The following RUNDC3B variants were observed in gnomAD, a reference collection of about 807,000 sequenced individuals.
RUNDC3B encodes RUN domain-containing protein 3B.
Under a neutral mutation model 58.4 loss-of-function variants are expected in RUNDC3B, and 33 were observed. That is an observed-to-expected ratio of 0.56 (90% CI 0.43 to 0.75). The LOEUF (loss-of-function observed/expected upper bound fraction) is 0.75. Ranked by LOEUF, RUNDC3B falls within the 30% of genes least tolerant of loss-of-function variation. The pLI, the probability that RUNDC3B is intolerant of heterozygous loss-of-function variation, is 0.00. For missense variants in RUNDC3B, 501 were observed against 535.7 expected, an observed-to-expected ratio of 0.94 and a Z score of 0.64; for synonymous variants, 193 against 195.2, an observed-to-expected ratio of 0.99 and a Z score of 0.10.
At chr7:87,726,869 C>T (rs1036832894) in intron 4 of RUNDC3B, among the ~76,000 whole-genome samples, 4 of 152,110 alleles carry the variant, frequency 2.6e-5, no homozygotes, top group Admixed American at 6.6e-5. Flanking sequence ...GGAGTTCACT[C>T]ATGATTTGGC....
intron 10 of RUNDC3B, among the ~76,000 whole-genome samples, chr7:87,819,017 C>G (rs909321259): frequency 2.6e-5 from 4 of 152,118 alleles, no homozygotes; most frequent in African/African-American, 9.7e-5. Context: ...GGAGTCTGTC[C>G]CTTGCAGACC....
chr7:87,741,867 C>T (rs1177718051), intron 6 of RUNDC3B, among the ~76,000 whole-genome samples: 1 of 152,036 alleles, frequency 6.6e-6, no homozygotes, highest in Non-Finnish European at 1.5e-5. Flanking sequence ...TTTAATAGAT[C>T]TGAAATAGTC....
intron 8 of RUNDC3B, among the ~76,000 whole-genome samples, chr7:87,806,535 C>A (rs1836443355): frequency 6.6e-6 from 1 of 152,102 alleles, no homozygotes; most frequent in South Asian, 2.1e-4. Context: ...TAGAGTAAGA[C>A]CTTTGCTTTT....
chr7:87,748,985 C>T (rs193068472), intron 6 of RUNDC3B, among the ~76,000 whole-genome samples: 18 of 152,226 alleles, frequency 1.2e-4, no homozygotes, highest in African/African-American at 3.9e-4. Context: ...TACTAGGCAC[C>T]GCTGTCTGTA....
intron 2 of RUNDC3B, among the ~76,000 whole-genome samples, chr7:87,662,490 C>G (rs1458007715): frequency 6.6e-6 from 1 of 152,114 alleles, no homozygotes; most frequent in Non-Finnish European, 1.5e-5. Context: ...GTTTTCCCAG[C>G]ACCATTTATT....
chr7:87,628,981 G>T (rs370537587), intron 1 of RUNDC3B, 36 bp downstream of exon 1: 5 of 1,303,952 alleles, frequency 3.8e-6, no homozygotes, highest in East Asian at 2.8e-5. Flanking sequence ...CCAGCCTCCC[G>T]CCGGGGCTGA....
chr7:87,652,090 C>T (rs1823634638), intron 2 of RUNDC3B, among the ~76,000 whole-genome samples: 1 of 151,860 alleles, frequency 6.6e-6, no homozygotes, highest in Admixed American at 6.6e-5. Context: ...GTGTGATGAT[C>T]GTATTTTTAA....
intron 2 of RUNDC3B, among the ~76,000 whole-genome samples, chr7:87,688,019 A>G (rs540452077): frequency 6.6e-6 from 1 of 152,244 alleles, no homozygotes; most frequent in African/African-American, 2.4e-5. Flanking sequence ...ATCCAATAAA[A>G]TCCCATATAC....
intron 6 of RUNDC3B, among the ~76,000 whole-genome samples, chr7:87,770,089 G>A (rs1834193204): frequency 1.3e-5 from 2 of 151,896 alleles, no homozygotes; most frequent in Non-Finnish European, 2.9e-5. Context: ...TTCTGAACCT[G>A]TTGTTATCTT....
chr7:87,788,702 AC>A (rs1320874741), intron 8 of RUNDC3B, among the ~76,000 whole-genome samples: 1 of 137,704 alleles, frequency 7.3e-6, no homozygotes, highest in Non-Finnish European at 1.5e-5. Context: ...CCTTTTCAAA[AC>A]TTTTTTTTTT....
chr7:87,769,648 T>A (rs970041701), intron 6 of RUNDC3B, among the ~76,000 whole-genome samples: 13 of 152,270 alleles, frequency 8.5e-5, no homozygotes, highest in Admixed American at 2.6e-4. Flanking sequence ...TCTTTTTTTT[T>A]ATTATACTTT....
intron 1 of RUNDC3B, among the ~76,000 whole-genome samples, chr7:87,649,200 G>A (rs913275391): frequency 1.3e-5 from 2 of 152,092 alleles, no homozygotes; most frequent in African/African-American, 4.8e-5. Context: ...GATTTTGATA[G>A]TGGTTATATG....
At chr7:87,788,373 T>C (rs1276697799) in intron 8 of RUNDC3B, among the ~76,000 whole-genome samples, 1 of 152,212 alleles carries the variant, frequency 6.6e-6, no homozygotes, top group Non-Finnish European at 1.5e-5. Context: ...TGAGACACTG[T>C]GTCCAAAACA....
chr7:87,807,465 A>G lies in RUNDC3B; in HGVS notation c.1049A>G (p.Asn350Ser), dbSNP rs141464774. 6.0e-5 allele frequency: 97 copies of G among 1,613,550 alleles called. No individual in the cohort carries two copies. The highest frequency in any genetic ancestry group is 1.6e-4 in the Middle Eastern group (1 of 6,084). ...CCTTCTCCAGGAGCTCTGGATGTCA[A>G]TGCTGTTGCCTTGGATACGTTGCTT... ...QWPSPGALDV[N>S]AVALDTLLYR... Residue 350 changes from asparagine to serine, a missense_variant, in exon 9 of 11, where the codon AAT (asparagine) becomes AGT (serine). Physicochemically the swap from Asn to Ser is conservative, Grantham distance 46. Coordinates refer to ENST00000394654, the MANE Select transcript of RUNDC3B (RefSeq NM_001134405.2).
intron 3 of RUNDC3B, among the ~76,000 whole-genome samples, chr7:87,709,703 A>T (rs1172753653): frequency 2.0e-5 from 3 of 152,160 alleles, no homozygotes; most frequent in African/African-American, 7.2e-5. Context: ...CTGGTAGTTG[A>T]CAATCATATA....
intron 8 of RUNDC3B, among the ~76,000 whole-genome samples, chr7:87,782,683 A>G (rs1255889068): frequency 6.6e-6 from 1 of 152,078 alleles, no homozygotes. Context: ...CATTTATTTT[A>G]AAGAATTTTT....
At position 87,776,147 on chromosome 7, in the gene RUNDC3B, A is replaced by T. The variant is rs538776187; in HGVS notation, c.799-1651A>T. Reference sequence around the variant, plus strand: ...TTACTACAATGGCAATATCAGTAGCAGTATCTAGTAAATGTGAAGATATGC... The same window carrying T: ...TTACTACAATGGCAATATCAGTAGCTGTATCTAGTAAATGTGAAGATATGC... On this transcript the variant is annotated intron_variant, in intron 7 of 10. Coordinates refer to ENST00000394654, the MANE Select transcript of RUNDC3B (RefSeq NM_001134405.2). Among the ~76,000 whole-genome samples, 4 of 152,286 alleles carry T rather than the reference A, an allele frequency of 2.6e-5. No homozygotes were observed. In the South Asian group the frequency reaches 8.3e-4, roughly 32 times the overall value.
chr7:87,793,269 TAAA>T (rs1252571977), intron 8 of RUNDC3B, among the ~76,000 whole-genome samples: 1 of 151,968 alleles, frequency 6.6e-6, no homozygotes, highest in East Asian at 1.9e-4. Flanking sequence ...ACCAAACATT[TAAA>T]GAAGAAGTAA....
intron 3 of RUNDC3B, among the ~76,000 whole-genome samples, chr7:87,707,275 G>A (rs1432744539): frequency 6.6e-6 from 1 of 152,130 alleles, no homozygotes; most frequent in Non-Finnish European, 1.5e-5. Context: ...ACCTATGGGT[G>A]ATAGAGACTT....
Sources: allele counts gnomAD v4.1 joint callset (sites outside exome capture counted in the v4.1 genomes callset), GRCh38; gene constraint gnomAD v4.1.1; transcripts MANE v1.5; gene names NCBI Gene and HGNC (gene_info 2026-07-23, HGNC 2026-07-21).